Variants in POLA2 observed in about 807,000 individuals in gnomAD.
POLA2 encodes the protein DNA polymerase alpha subunit B.
Under a neutral mutation model 82.8 loss-of-function variants are expected in POLA2, and 47 were observed. The observed-to-expected ratio is 0.57, with a 90% CI of 0.45 to 0.72. POLA2 has a LOEUF of 0.72. POLA2 is among the 30% of genes least tolerant of loss of function. The pLI, the probability that POLA2 is intolerant of heterozygous loss-of-function variation, is 0.00. For synonymous variants in POLA2, 287 were observed against 286.8 expected (o/e 1.00, Z -0.01); for missense variants, 634 against 728.1 (o/e 0.87, Z 1.49).
intron 10 of POLA2, among the ~76,000 whole-genome samples, chr11:65,285,400 T>A (rs1241226583): frequency 1.3e-5 from 2 of 149,430 alleles, no homozygotes; most frequent in Non-Finnish European, 3.0e-5. Flanking sequence ...AGACTCTGTC[T>A]CAAAAAAAAA....
chr11:65,283,001 G>A (rs1352410565), intron 10 of POLA2, among the ~76,000 whole-genome samples: 4 of 152,092 alleles, frequency 2.6e-5, no homozygotes, highest in Admixed American at 1.3e-4. Flanking sequence ...GGCTTGTGGT[G>A]CATGCCTGTA....
chr11:65,275,467 T>C (rs1288885991), intron 4 of POLA2, among the ~76,000 whole-genome samples: 1 of 151,296 alleles, frequency 6.6e-6, no homozygotes, highest in Non-Finnish European at 1.5e-5. Flanking sequence ...CCTTTGAAAA[T>C]GTATGGTAGA....
At chr11:65,275,366 C>CAAA (rs760641138) in intron 4 of POLA2, among the ~76,000 whole-genome samples, 1 of 85,796 alleles carries the variant, frequency 1.2e-5, no homozygotes, top group South Asian at 3.6e-4. Context: ...GTTGATGAGT[C>CAAA]AAAAAAAAAA....
rs2301565 is a variant in POLA2 at position 65,289,128 on chromosome 11, A to T, written c.1170+40A>T. 2.0e-6 allele frequency: 3 copies of T among 1,534,630 alleles called. No individual in the cohort carries two copies. The East Asian group carries it at 6.8e-5, about 35-fold the overall frequency. On this transcript the variant is annotated intron_variant, in intron 12 of 17. Coordinates refer to ENST00000265465, the MANE Select transcript of POLA2 (RefSeq NM_002689.4). ...GTGGGAAGGGGTCCTGGGTACTTGAATCCAGTCAGGCTCTCACTTTTCATT... is the reference window on the plus strand; with the variant it reads ...GTGGGAAGGGGTCCTGGGTACTTGATTCCAGTCAGGCTCTCACTTTTCATT...
intron 10 of POLA2, among the ~76,000 whole-genome samples, chr11:65,283,077 G>A (rs571599456): frequency 1.3e-5 from 2 of 152,272 alleles, no homozygotes; most frequent in East Asian, 1.9e-4. Flanking sequence ...GTTGCAGTGA[G>A]CTATGGTAAC....
chr11:65,296,016 A>G (rs370124564), intron 17 of POLA2, 26 bp downstream of exon 17: 1 of 1,613,764 alleles, frequency 6.2e-7, no homozygotes, highest in Non-Finnish European at 8.5e-7. Flanking sequence ...GCTTTTTCCC[A>G]GAAACACCAG....
At chr11:65,264,358 C>T (rs886620192) in intron 1 of POLA2, among the ~76,000 whole-genome samples, 2 of 152,194 alleles carry the variant, frequency 1.3e-5, no homozygotes, top group Admixed American at 6.5e-5. Context: ...TGTGAGCCAC[C>T]ACACCTGTTC....
At chr11:65,305,637 G>A (rs1003171014), downstream of POLA2, 5 of 330,356 alleles carry the variant, frequency 1.5e-5, no homozygotes, top group African/African-American at 1.1e-4. Flanking sequence ...TGACACCATT[G>A]TACATTGTAC....
At chr11:65,280,885 A>G in intron 7 of POLA2, 107 bp from the exon 8 acceptor site, 1 of 1,099,318 alleles carries the variant, frequency 9.1e-7, no homozygotes, top group Admixed American at 2.0e-5. Context: ...CTGCCAAGAA[A>G]TGTATTTGTT....
intron 14 of POLA2, 76 bp downstream of exon 14, chr11:65,294,337 G>A (rs1949787283): frequency 1.2e-5 from 15 of 1,273,470 alleles, no homozygotes. Context: ...GCCCTGAAGG[G>A]GAGGGTGGAG....
At position 65,281,179 on chromosome 11, in the gene POLA2, G is replaced by A. The variant is rs894345070; in HGVS notation, c.900+32G>A. On this transcript the variant is annotated intron_variant, in intron 8 of 17. Coordinates refer to ENST00000265465, the MANE Select transcript of POLA2 (RefSeq NM_002689.4). ...TTGGAGGAGTTCCACCAGAATGCAGGCGCACTCTTTACCCCTGTAGTGTAG... is the reference window on the plus strand; with the variant it reads ...TTGGAGGAGTTCCACCAGAATGCAGACGCACTCTTTACCCCTGTAGTGTAG... 1.9e-6 allele frequency: 3 copies of A among 1,606,034 alleles called. No individual in the cohort carries two copies. The African/African-American group carries it at 4.0e-5, about 21-fold the overall frequency.
intron 5 of POLA2, among the ~76,000 whole-genome samples, chr11:65,277,207 T>C (rs1291186837): frequency 6.6e-6 from 1 of 151,348 alleles, no homozygotes; most frequent in Non-Finnish European, 1.5e-5. Flanking sequence ...AGATAGGCTT[T>C]TACTCTGTTG....
intron 1 of POLA2, 111 bp from the exon 2 acceptor site, chr11:65,266,471 A>G (rs2137491578): frequency 8.8e-7 from 1 of 1,131,994 alleles, no homozygotes; most frequent in Admixed American, 2.0e-5. Context: ...GCCTGGCACT[A>G]ATAGATTCTG....
At chr11:65,273,866 G>T (rs1949547588) in intron 4 of POLA2, among the ~76,000 whole-genome samples, 1 of 151,922 alleles carries the variant, frequency 6.6e-6, no homozygotes, top group African/African-American at 2.4e-5. Flanking sequence ...CTCTTCTGAA[G>T]AAATAATTCA....
chr11:65,268,141 C>T (rs768935432), intron 3 of POLA2, among the ~76,000 whole-genome samples: 7 of 151,578 alleles, frequency 4.6e-5, no homozygotes, highest in African/African-American at 7.3e-5. Flanking sequence ...TGGTGATGTA[C>T]GCCTGTAGAT....
At chr11:65,281,550 C>A (rs1488358362) in intron 8 of POLA2, 120 bp from the exon 9 acceptor site, 3 of 740,522 alleles carry the variant, frequency 4.1e-6, no homozygotes, top group Non-Finnish European at 7.1e-6. Flanking sequence ...CAAAAATGCC[C>A]TAAGTTTATG....
Position 65,279,604 on chromosome 11 carries a change from C to T in POLA2, c.722C>T (p.Thr241Ile). 6.2e-7 allele frequency: 1 copy of T among 1,613,124 alleles called. No individual in the cohort carries two copies. The highest frequency in any genetic ancestry group is 8.5e-7 in the Non-Finnish European group (1 of 1,179,106). The change falls in exon 7 of 18, where the codon ACT becomes ATT. Residue 241 changes from threonine (T) to isoleucine (I), a missense_variant. By Grantham distance (89) the Thr-to-Ile change is moderately conservative. Coordinates refer to ENST00000265465, the MANE Select transcript of POLA2 (RefSeq NM_002689.4). ...LKEHYKIEAF[T>I]PLLAPAQEPV... The stretch of plus-strand genomic sequence containing the variant: ...GAACATTACAAGATTGAAGCTTTCA[C>T]TCCTTTGCTAGCCCCAGCACAGGTA...
At chr11:65,263,727 T>C (rs1949426742) in intron 1 of POLA2, among the ~76,000 whole-genome samples, 1 of 151,574 alleles carries the variant, frequency 6.6e-6, no homozygotes, top group Non-Finnish European at 1.5e-5. Flanking sequence ...CTCAGGAGGC[T>C]GAGGCGGAAG....
In POLA2 at chr11:65,262,285, G is replaced by A; in HGVS notation, c.-8G>A. 6.2e-7 allele frequency: 1 copy of A among 1,611,352 alleles called. No individual in the cohort carries two copies. The highest frequency in any genetic ancestry group is 8.5e-7 in the Non-Finnish European group (1 of 1,178,872). On this transcript the variant is annotated 5_prime_UTR_variant, in exon 1 of 18. Transcript: ENST00000265465. ...GGGCCGGCTCCCCGGCCCCTGGCTT[G>A]GGCGACCATGTCCGCATCCGCCCAG...
Sources: gnomAD v4.1 joint callset for allele counts (sites outside exome capture counted in the v4.1 genomes callset) on GRCh38, gnomAD v4.1.1 for gene constraint, MANE v1.5 for transcripts, NCBI Gene and HGNC (gene_info 2026-07-23, HGNC 2026-07-21) for gene names.